Variants in PCDHA4 observed in about 807,000 individuals in gnomAD.
The protein encoded by PCDHA4 is protocadherin alpha 4.
A neutral mutation model predicts 61.4 loss-of-function variants in PCDHA4; 49 were observed. The ratio of observed to expected loss-of-function variants is 0.80; its 90% CI spans 0.63 to 1.01. The LOEUF (loss-of-function observed/expected upper bound fraction) is 1.01. PCDHA4 is among the 50% of genes least tolerant of loss of function. The probability of loss-of-function intolerance (pLI) is 0.00; values close to 1 mark genes in which losing one functional copy is unlikely to be tolerated. For missense variants in PCDHA4, 1,254 were observed against 1,235.8 expected, an observed-to-expected ratio of 1.01 and a Z score of -0.22; for synonymous variants, 590 against 550.3, an observed-to-expected ratio of 1.07 and a Z score of -1.01.
In PCDHA4 at chr5:140,906,646, G is replaced by T. The variant is rs1473127161; in HGVS notation, c.2386-72303G>T. On this transcript the variant is annotated intron_variant, in intron 1 of 3. Coordinates refer to ENST00000530339, the MANE Select transcript of PCDHA4 (RefSeq NM_018907.4). ...TCAGCAAGCACCTCAGCAGGTAGTG[G>T]TTTTTTCCTGGTGTAGTGACCCAAA... Among the ~76,000 whole-genome samples the T allele has an allele frequency of 2.0e-5, 3 of 152,192 alleles. No individual in the cohort carries two copies. In the East Asian group the frequency reaches 5.8e-4, roughly 29 times the overall value.
At chr5:140,884,344 G>C in intron 1 of PCDHA4, 1 of 1,613,904 alleles carries the variant, frequency 6.2e-7, no homozygotes, top group Non-Finnish European at 8.5e-7. Context: ...CAGAAGCGGC[G>C]CTGGTGGATG....
chr5:140,838,651 G>A (rs1775818382), intron 1 of PCDHA4, among the ~76,000 whole-genome samples: 1 of 151,988 alleles, frequency 6.6e-6, no homozygotes, highest in Non-Finnish European at 1.5e-5. Context: ...AAAAATGATA[G>A]TTAACGGGGC....
chr5:140,987,034 C>T (rs782321957), intron 3 of PCDHA4, among the ~76,000 whole-genome samples: 12 of 151,770 alleles, frequency 7.9e-5, no homozygotes, highest in Non-Finnish European at 1.6e-4. Context: ...GTCAACATGG[C>T]GAAACCCCAT....
intron 1 of PCDHA4, among the ~76,000 whole-genome samples, chr5:140,971,214 C>T (rs1285730991): frequency 6.6e-6 from 1 of 152,172 alleles, no homozygotes; most frequent in African/African-American, 2.4e-5. Flanking sequence ...GTTACCCTCC[C>T]TCTCCTGACT....
intron 1 of PCDHA4, among the ~76,000 whole-genome samples, chr5:140,950,924 T>C (rs1316182193): frequency 2.6e-5 from 4 of 152,104 alleles, no homozygotes; most frequent in Non-Finnish European, 5.9e-5. Flanking sequence ...TTCAGTTCTT[T>C]TTCTTTTCTT....
intron 1 of PCDHA4, among the ~76,000 whole-genome samples, chr5:140,879,972 C>T (rs1005756157): frequency 6.6e-6 from 1 of 152,176 alleles, no homozygotes; most frequent in Non-Finnish European, 1.5e-5. Context: ...AGGATAAACT[C>T]CTTTCAAGAT....
intron 1 of PCDHA4, chr5:140,927,638 G>A (rs781909639): frequency 1.2e-6 from 2 of 1,614,142 alleles, no homozygotes; most frequent in Admixed American, 1.7e-5. Context: ...GCACCCAATG[G>A]GACTGTGTTA....
At chr5:140,900,575 C>A (rs994036757) in intron 1 of PCDHA4, among the ~76,000 whole-genome samples, 5 of 152,330 alleles carry the variant, frequency 3.3e-5, no homozygotes, top group African/African-American at 1.2e-4. Flanking sequence ...CGGCACCGGC[C>A]CATTTTCTTT....
chr5:140,956,820 G>C (rs246011), intron 1 of PCDHA4, among the ~76,000 whole-genome samples: 85,659 of 151,910 alleles, frequency 0.56, 24,765 homozygotes, highest in African/African-American at 0.69. Context: ...GCTTCAATTT[G>C]TAATTTAATA....
intron 1 of PCDHA4, among the ~76,000 whole-genome samples, chr5:140,907,278 A>G (rs558447183): frequency 2.6e-5 from 4 of 152,338 alleles, no homozygotes; most frequent in African/African-American, 7.2e-5. Context: ...CCATCATTCT[A>G]TCAATCCAGC....
intron 1 of PCDHA4, among the ~76,000 whole-genome samples, chr5:140,917,662 C>T (rs1554198266): frequency 6.6e-6 from 1 of 152,118 alleles, no homozygotes; most frequent in Admixed American, 6.6e-5. Flanking sequence ...AGTAGGAAGT[C>T]CTTTCTCCAT....
At chr5:140,820,889 C>T (rs2150108237) in intron 1 of PCDHA4, among the ~76,000 whole-genome samples, 4 of 151,672 alleles carry the variant, frequency 2.6e-5, no homozygotes, top group Non-Finnish European at 5.9e-5. Flanking sequence ...AGTGCAAAGA[C>T]GATTTACCAA....
chr5:140,864,013 A>G (rs574478230), intron 1 of PCDHA4: 3 of 153,164 alleles, frequency 2.0e-5, no homozygotes, highest in African/African-American at 4.8e-5. Flanking sequence ...AAAAAAAAGT[A>G]CATTGGAAGT....
In PCDHA4 at chr5:140,983,053, C is replaced by T. The variant is rs571565176; in HGVS notation, c.2533+490C>T. 3.3e-5 allele frequency among the ~76,000 whole-genome samples: 5 copies of T among 151,988 alleles called. No homozygotes were observed. In the East Asian group the frequency reaches 5.8e-4, roughly 18 times the overall value. On this transcript the variant is annotated intron_variant, in intron 3 of 3. Transcript: ENST00000530339. ...GTTTCTCATGGAAGTGGAAAATTAT[C>T]GGAACCAAGGCATTGTTTTGAGTTC...
chr5:140,817,426 G>A (rs1403987621), intron 1 of PCDHA4: 1 of 152,220 alleles, frequency 6.6e-6, no homozygotes, highest in Non-Finnish European at 1.5e-5. Flanking sequence ...TATACCTGTG[G>A]AGGGTCTGGG....
intron 3 of PCDHA4, among the ~76,000 whole-genome samples, chr5:141,004,792 C>G (rs2098181519): frequency 6.6e-6 from 1 of 152,170 alleles, no homozygotes; most frequent in African/African-American, 2.4e-5. Flanking sequence ...CAGGCAGATT[C>G]TGGCTGAGCT....
At chr5:141,000,768 A>G (rs1434125702) in intron 3 of PCDHA4, among the ~76,000 whole-genome samples, 43 of 151,864 alleles carry the variant, frequency 2.8e-4, no homozygotes, top group African/African-American at 4.8e-5. Context: ...TTAGCCAGGC[A>G]TAGTGGCGCA....
intron 1 of PCDHA4, chr5:140,882,248 CTG>C (rs1554173227): frequency 1.3e-6 from 2 of 1,594,792 alleles, no homozygotes; most frequent in Non-Finnish European, 1.7e-6. Context: ...GCAGATAGCT[CTG>C]AGGTTTTTGG....
intron 1 of PCDHA4, chr5:140,877,314 G>A (rs2057020187): frequency 6.2e-7 from 1 of 1,613,972 alleles, no homozygotes; most frequent in Admixed American, 1.7e-5. Context: ...TGCAACCGGC[G>A]GCGGTCGGCG....
Sources: allele counts gnomAD v4.1 joint callset (sites outside exome capture counted in the v4.1 genomes callset), GRCh38; gene constraint gnomAD v4.1.1; transcripts MANE v1.5; gene names NCBI Gene and HGNC (gene_info 2026-07-23, HGNC 2026-07-21).